Variants in CAMK2G observed in about 807,000 individuals in gnomAD.
The protein encoded by CAMK2G is calcium/calmodulin-dependent protein kinase type II subunit gamma.
In CAMK2G, 23 loss-of-function variants were observed where a neutral mutation model predicts 88.7. That is an observed-to-expected ratio of 0.26 (90% CI 0.19 to 0.37). The LOEUF is 0.37. CAMK2G is among the 10% of genes least tolerant of loss of function. The pLI is 1.00. For synonymous variants in CAMK2G, 263 were observed against 294.8 expected (o/e 0.89, Z 1.11); for missense variants, 476 against 780.8 (o/e 0.61, Z 4.65).
chr10:73,873,626 G>A, intron 1 of CAMK2G: 2 of 654,994 alleles, frequency 3.1e-6, no homozygotes, highest in South Asian at 6.8e-5. Context: ...AGCAAGGGAA[G>A]AGAGGACACA....
At chr10:73,852,359 G>A in intron 4 of CAMK2G, 40 bp from the exon 5 acceptor site, 2 of 1,548,176 alleles carry the variant, frequency 1.3e-6, no homozygotes, top group South Asian at 1.1e-5. Flanking sequence ...GGCAGAAAGG[G>A]TCCTTTGTCC....
chr10:73,861,870 C>T (rs2095394750), intron 2 of CAMK2G, among the ~76,000 whole-genome samples: 1 of 152,216 alleles, frequency 6.6e-6, no homozygotes, highest in Non-Finnish European at 1.5e-5. Flanking sequence ...CTTACTTCTA[C>T]ACCAGGCAGC....
At chr10:73,816,034 A>T in intron 21 of CAMK2G, 1 of 985,444 alleles carries the variant, frequency 1.0e-6, no homozygotes, top group Non-Finnish European at 1.2e-6. Flanking sequence ...CTGAGATGTG[A>T]TAAGGGTGGG....
intron 3 of CAMK2G, among the ~76,000 whole-genome samples, chr10:73,854,674 G>A (rs868492452): frequency 2.3e-4 from 35 of 152,118 alleles, no homozygotes; most frequent in Admixed American, 9.8e-4. Context: ...AGTGTCACAC[G>A]TTTCCTCAGG....
At chr10:73,869,822 G>C (rs2095751742) in intron 2 of CAMK2G, among the ~76,000 whole-genome samples, 1 of 152,212 alleles carries the variant, frequency 6.6e-6, no homozygotes, top group Admixed American at 6.5e-5. Flanking sequence ...GTTTCCGGTA[G>C]CATCTCTTAG....
chr10:73,836,861 T>C (rs2093298567), intron 14 of CAMK2G, among the ~76,000 whole-genome samples: 1 of 151,988 alleles, frequency 6.6e-6, no homozygotes, highest in Non-Finnish European at 1.5e-5. Flanking sequence ...GGGTCCCAGG[T>C]CCCTCCTCTT....
In CAMK2G at chr10:73,842,791, G is replaced by A. The variant is rs1318479769; in HGVS notation, c.820-250C>T. Among the ~76,000 whole-genome samples the A allele has an allele frequency of 2.6e-5, 4 of 152,186 alleles. No homozygotes were observed. Among genetic ancestry groups the A allele is most frequent in the Non-Finnish European group, 2.9e-5 (2 of 68,030 alleles). ...ATGCTAGACGGGCTGCTGAGAGACC[G>A]TCCTATTCTTCCTTGGGAAACAGAG... On this transcript the variant is annotated intron_variant, in intron 10 of 22. Coordinates refer to ENST00000423381, the MANE Select transcript of CAMK2G (RefSeq NM_001367534.1). The surrounding 1 kb of genome is among the most constrained non-coding windows in gnomAD (Gnocchi z 4.6).
rs371390471 is a variant in CAMK2G at position 73,872,726 on chromosome 10, C to G, written c.160+263G>C. Among the ~76,000 whole-genome samples, 7 of 152,248 alleles carry G rather than the reference C, an allele frequency of 4.6e-5. No individual in the cohort carries two copies. The East Asian group carries it at 7.7e-4, about 17-fold the overall frequency. On this transcript the variant is annotated intron_variant, in intron 2 of 22. Coordinates refer to ENST00000423381, the MANE Select transcript of CAMK2G (RefSeq NM_001367534.1). ...CCCACTACCCCCATATCCTCCACCT[C>G]CCTGAAGACCGAACTCCCTTGAGCC...
chr10:73,853,682 G>C (rs1219079036), intron 3 of CAMK2G, among the ~76,000 whole-genome samples: 1 of 152,234 alleles, frequency 6.6e-6, no homozygotes. Flanking sequence ...AGAACTAAGG[G>C]GTGGGGAAGA....
Position 73,839,961 on chromosome 10 carries a change from A to C in CAMK2G, c.947-360T>G, listed in dbSNP as rs1290543781. ...CGGCCCTAGCTTAAGGCTGTGATGA[A>C]ACGCCCTCCCTTCTAGTCCTTCCCT... On this transcript the variant is annotated intron_variant, in intron 12 of 22. Coordinates refer to ENST00000423381, the MANE Select transcript of CAMK2G (RefSeq NM_001367534.1). This position sits in a 1 kb window ranked among gnomAD's most constrained non-coding sequence, Gnocchi z 4.2. Among the ~76,000 whole-genome samples, 6 of 152,102 alleles carry C rather than the reference A, an allele frequency of 3.9e-5. No individual in the cohort carries two copies. Among genetic ancestry groups the C allele is most frequent in the Admixed American group, 3.9e-4 (6 of 15,280 alleles).
intron 14 of CAMK2G, among the ~76,000 whole-genome samples, chr10:73,829,421 A>T (rs1220864676): frequency 6.6e-6 from 1 of 151,520 alleles, no homozygotes; most frequent in Non-Finnish European, 1.5e-5. Context: ...TAGCCTCCTG[A>T]GTGGCTGGGA....
intron 18 of CAMK2G, among the ~76,000 whole-genome samples, chr10:73,819,850 C>T (rs1447988136): frequency 1.3e-5 from 2 of 152,244 alleles, no homozygotes; most frequent in African/African-American, 2.4e-5. Flanking sequence ...CAGCTGAGGG[C>T]ACCAGGCAGG....
rs904790163 is a variant in CAMK2G at position 73,839,977 on chromosome 10, G to T, written c.947-376C>A. Among the ~76,000 whole-genome samples the T allele has an allele frequency of 3.3e-5, 5 of 152,172 alleles. No individual in the cohort carries two copies. Among genetic ancestry groups the T allele is most frequent in the African/African-American group, 4.8e-5 (2 of 41,454 alleles). On this transcript the variant is annotated intron_variant, in intron 12 of 22. Transcript: ENST00000423381. The surrounding 1 kb of genome is among the most constrained non-coding windows in gnomAD (Gnocchi z 4.2). ...CTGTGATGAAACGCCCTCCCTTCTA[G>T]TCCTTCCCTCCCTAGAAGCTAAATG...
chr10:73,858,084 A>G (rs2095170811), intron 3 of CAMK2G, among the ~76,000 whole-genome samples: 2 of 152,216 alleles, frequency 1.3e-5, no homozygotes, highest in Non-Finnish European at 1.5e-5. Context: ...CCCAAAGTCC[A>G]GAGTTTATAT....
chr10:73,844,825 T>G (rs1219872291), intron 10 of CAMK2G, among the ~76,000 whole-genome samples: 2 of 152,198 alleles, frequency 1.3e-5, no homozygotes, highest in Non-Finnish European at 2.9e-5. Flanking sequence ...GGTTTCATCT[T>G]TCTCTCCACT....
intron 15 of CAMK2G, among the ~76,000 whole-genome samples, chr10:73,827,257 G>C (rs1190836911): frequency 6.6e-6 from 1 of 152,212 alleles, no homozygotes; most frequent in East Asian, 1.9e-4. Context: ...CGCGATCTCG[G>C]CTCACTGCAA....
intron 2 of CAMK2G, among the ~76,000 whole-genome samples, chr10:73,866,939 C>G (rs2095618148): frequency 6.6e-6 from 1 of 152,334 alleles, no homozygotes; most frequent in East Asian, 1.9e-4. Flanking sequence ...ATGCCACATC[C>G]CTTCCTCTTT....
chr10:73,826,303 C>G (rs923057288), intron 15 of CAMK2G, among the ~76,000 whole-genome samples: 1 of 152,112 alleles, frequency 6.6e-6, no homozygotes, highest in African/African-American at 2.4e-5. Flanking sequence ...CATGGTGGCA[C>G]ATGCCTGTAA....
chr10:73,827,215 C>G (rs1565229224), intron 15 of CAMK2G, among the ~76,000 whole-genome samples: 2 of 152,242 alleles, frequency 1.3e-5, no homozygotes, highest in Admixed American at 6.5e-5. Context: ...GAGACGGAGT[C>G]TAGCTCTGTC....
Sources: allele counts gnomAD v4.1 joint callset (sites outside exome capture counted in the v4.1 genomes callset), GRCh38; gene constraint gnomAD v4.1.1; non-coding constraint Gnocchi (gnomAD v3.1); transcripts MANE v1.5; gene names NCBI Gene and HGNC (gene_info 2026-07-23, HGNC 2026-07-21).